Variants in CREB3L2 observed in about 807,000 individuals in gnomAD.
The protein encoded by CREB3L2 is cyclic AMP-responsive element-binding protein 3-like protein 2.
A neutral mutation model predicts 57.2 loss-of-function variants in CREB3L2; 23 were observed. The ratio of observed to expected loss-of-function variants is 0.40; its 90% confidence interval spans 0.29 to 0.57. CREB3L2 has a LOEUF of 0.57. CREB3L2 is among the 20% of genes least tolerant of loss of function. The probability of loss-of-function intolerance (pLI) is 0.42; values close to 1 mark genes in which losing one functional copy is unlikely to be tolerated. For missense variants in CREB3L2, 628 were observed against 634.7 expected (o/e 0.99, Z 0.11); for synonymous variants, 268 against 265.1 (o/e 1.01, Z -0.11).
chr7:137,982,404 T>A (rs1801726174), intron 1 of CREB3L2, among the ~76,000 whole-genome samples: 1 of 151,456 alleles, frequency 6.6e-6, no homozygotes, highest in African/African-American at 2.4e-5. Context: ...TGTTCCCTGC[T>A]GATGTGATTT....
At chr7:137,899,668 CT>C (rs1389253838) in intron 8 of CREB3L2, among the ~76,000 whole-genome samples, 1 of 152,220 alleles carries the variant, frequency 6.6e-6, no homozygotes, top group African/African-American at 2.4e-5. Flanking sequence ...TAATGCCACA[CT>C]AAGTTGGTGG....
intron 8 of CREB3L2, among the ~76,000 whole-genome samples, chr7:137,886,716 G>A (rs188347694): frequency 2.3e-3 from 321 of 139,544 alleles, no homozygotes; most frequent in African/African-American, 0.01. Flanking sequence ...AGACAAGAGA[G>A]CAAGAGCAGA....
At chr7:137,941,222 G>A (rs1291322370) in intron 1 of CREB3L2, among the ~76,000 whole-genome samples, 1 of 152,204 alleles carries the variant, frequency 6.6e-6, no homozygotes, top group East Asian at 1.9e-4. Context: ...TAGAAAATGA[G>A]AAATCCAATC....
At position 137,995,838 on chromosome 7, in the gene CREB3L2, C is replaced by T. The variant is rs148786893; in HGVS notation, c.102+5766G>A. On this transcript the variant is annotated intron_variant, in intron 1 of 11. Coordinates refer to ENST00000330387, the MANE Select transcript of CREB3L2 (RefSeq NM_194071.4). ...TGAACACTGTAACTCAGGGATCATT[C>T]GAGAAGGAGGGCAAATATAAAACTC... Among the ~76,000 whole-genome samples the T allele has an allele frequency of 1.1e-3, 162 of 152,282 alleles. No homozygotes were observed. In the East Asian group the frequency reaches 0.025, roughly 24 times the overall value.
At chr7:137,951,785 G>A (rs890580959) in intron 1 of CREB3L2, among the ~76,000 whole-genome samples, 3 of 152,134 alleles carry the variant, frequency 2.0e-5, no homozygotes, top group Non-Finnish European at 2.9e-5. Flanking sequence ...AGTTCGAGAC[G>A]AGACCAGTCT....
chr7:137,924,806 G>A (rs900912211), intron 2 of CREB3L2, among the ~76,000 whole-genome samples: 2 of 152,112 alleles, frequency 1.3e-5, no homozygotes, highest in African/African-American at 4.8e-5. Context: ...TCTAGGGTTG[G>A]CTCCTGTGGT....
intron 1 of CREB3L2, among the ~76,000 whole-genome samples, chr7:137,941,090 C>A (rs189705585): frequency 3.3e-4 from 51 of 152,302 alleles, no homozygotes; most frequent in African/African-American, 1.1e-3. Flanking sequence ...ACCAGGGGAT[C>A]TTAGCCTTTG....
chr7:137,888,906 G>C (rs1271895527), intron 8 of CREB3L2, among the ~76,000 whole-genome samples: 1 of 152,054 alleles, frequency 6.6e-6, no homozygotes, highest in East Asian at 1.9e-4. Flanking sequence ...CTCCATCCAG[G>C]CTTCAGTTAG....
chr7:137,972,709 A>ACAAAACAAAACAAACAAAC (rs1245434184), intron 1 of CREB3L2, among the ~76,000 whole-genome samples: 3 of 39,722 alleles, frequency 7.6e-5, no homozygotes, highest in African/African-American at 4.2e-4. Context: ...AAAAAAAAAA[A>ACAAAACAAAACAAACAAAC]AAAATATATA....
intron 1 of CREB3L2, among the ~76,000 whole-genome samples, chr7:137,971,475 G>A (rs11773019): frequency 2.4e-3 from 363 of 151,956 alleles, no homozygotes; most frequent in Non-Finnish European, 3.8e-3. Context: ...ATTTTGGATG[G>A]GGGGAGACAT....
rs1801738464 is a variant in CREB3L2, at chr7:137,983,152, G to A, written c.102+18452C>T. 2.6e-5 allele frequency among the ~76,000 whole-genome samples: 4 copies of A among 152,276 alleles called. No individual in the cohort carries two copies. In the South Asian group the frequency reaches 8.3e-4, roughly 32 times the overall value. On this transcript the variant is annotated intron_variant, in intron 1 of 11. Coordinates refer to ENST00000330387, the MANE Select transcript of CREB3L2 (RefSeq NM_194071.4). ...ATACAGTCTACCTGTTCCCATGTGT[G>A]CCATAAGAGCCTCTGAAACACTAGT...
chr7:137,904,695 C>T (rs1399614263), intron 6 of CREB3L2, among the ~76,000 whole-genome samples: 2 of 150,504 alleles, frequency 1.3e-5, no homozygotes, highest in Non-Finnish European at 3.0e-5. Context: ...AAAAATTAGC[C>T]GGGCATGGTG....
intron 2 of CREB3L2, among the ~76,000 whole-genome samples, chr7:137,924,341 T>C (rs576803061): frequency 2.0e-5 from 3 of 152,336 alleles, no homozygotes; most frequent in East Asian, 1.9e-4. Context: ...TCTTAGAGGA[T>C]AGGGGCCATG....
chr7:137,892,675 C>T (rs966228097), intron 8 of CREB3L2, among the ~76,000 whole-genome samples: 10 of 152,054 alleles, frequency 6.6e-5, no homozygotes, highest in Admixed American at 2.6e-4. Context: ...AGGTGATGAT[C>T]AGGTGACCTC....
At chr7:137,905,648 T>TGACTC in intron 6 of CREB3L2, 54 bp downstream of exon 6, 1 of 1,591,718 alleles carries the variant, frequency 6.3e-7, no homozygotes, top group Non-Finnish European at 8.6e-7. Context: ...AAAGGGATGC[T>TGACTC]GACTCGATTC....
At chr7:137,972,713 A>AC (rs1801533598) in intron 1 of CREB3L2, among the ~76,000 whole-genome samples, 1 of 32,932 alleles carries the variant, frequency 3.0e-5, no homozygotes, top group East Asian at 9.5e-4. Flanking sequence ...AAAAAAAAAA[A>AC]TATATATATA....
rs933877368 is a variant in CREB3L2, at chr7:138,001,151, G to T, written c.102+453C>A. ...CGTGTACTTTTTAAAATATAAATATGAAAGAAGAGGAAGGGAGGGAGAGAG... is the reference window on the plus strand; with the variant it reads ...CGTGTACTTTTTAAAATATAAATATTAAAGAAGAGGAAGGGAGGGAGAGAG... On this transcript the variant is annotated intron_variant, in intron 1 of 11. Coordinates refer to ENST00000330387, the MANE Select transcript of CREB3L2 (RefSeq NM_194071.4). This position sits in a 1 kb window ranked among gnomAD's most constrained non-coding sequence, Gnocchi z 4.2. Among the ~76,000 whole-genome samples the T allele has an allele frequency of 6.9e-6, 1 of 144,138 alleles. No homozygotes were observed. Among genetic ancestry groups the T allele is most frequent in the Non-Finnish European group, 1.5e-5 (1 of 65,566 alleles). 94.6% of individuals were successfully genotyped at this position (144,138 alleles called of 152,430 possible).
intron 10 of CREB3L2, 61 bp downstream of exon 10, chr7:137,884,934 A>T (rs143442579): frequency 6.2e-7 from 1 of 1,601,648 alleles, no homozygotes; most frequent in South Asian, 1.1e-5. Flanking sequence ...TGGAAGACTG[A>T]GAAACCCAGC....
At chr7:137,910,998 T>C (rs1799993057) in intron 4 of CREB3L2, among the ~76,000 whole-genome samples, 1 of 152,216 alleles carries the variant, frequency 6.6e-6, no homozygotes, top group African/African-American at 2.4e-5. Flanking sequence ...TCTTGAAACA[T>C]TTCTCCTCCA....
Sources: gnomAD v4.1 joint callset for allele counts (sites outside exome capture counted in the v4.1 genomes callset) on GRCh38, gnomAD v4.1.1 for gene constraint, Gnocchi (gnomAD v3.1) non-coding constraint, MANE v1.5 for transcripts, NCBI Gene and HGNC (gene_info 2026-07-23, HGNC 2026-07-21) for gene names.